Variants in HERC1 observed in about 807,000 individuals in gnomAD.
The protein encoded by HERC1 is HECT and RLD domain containing E3 ubiquitin protein ligase family member 1.
A neutral mutation model predicts 554.3 loss-of-function variants in HERC1; 160 were observed. The observed-to-expected ratio is 0.29, with a 90% CI of 0.25 to 0.33. The LOEUF (loss-of-function observed/expected upper bound fraction) is 0.33, where lower values mean the gene tolerates loss of function less well. Ranked by LOEUF, HERC1 falls within the 10% of genes least tolerant of loss-of-function variation. The pLI is 1.00. For missense variants in HERC1, 4,919 were observed against 5,918.5 expected (o/e 0.83, Z 5.54); for synonymous variants, 2,175 against 2,131.7 (o/e 1.02, Z -0.56).
intron 1 of HERC1, among the ~76,000 whole-genome samples, chr15:63,804,576 A>G (rs2077081423): frequency 1.3e-5 from 2 of 152,028 alleles, no homozygotes; most frequent in Admixed American, 6.6e-5. Context: ...ACAAGAGCAA[A>G]ACTGTCTCAA....
At position 63,806,394 on chromosome 15, in the gene HERC1, C is replaced by T. The variant is rs112544777; in HGVS notation, c.-27+27433G>A. Among the ~76,000 whole-genome samples the T allele has an allele frequency of 5.3e-3, 804 of 152,266 alleles. 10 individuals carry two copies. The highest frequency in any genetic ancestry group is 0.014 in the African/African-American group (599 of 41,532). On this transcript the variant is annotated intron_variant, in intron 1 of 77. Coordinates refer to ENST00000443617, the MANE Select transcript of HERC1 (RefSeq NM_003922.4). Reference sequence around the variant, plus strand: ...AGCTTTTCATGTTGTAATCACCCTACGCTCACCAACACAGATTTACTCACT... The same window carrying T: ...AGCTTTTCATGTTGTAATCACCCTATGCTCACCAACACAGATTTACTCACT...
At chr15:63,820,533 A>C (rs11635117) in intron 1 of HERC1, among the ~76,000 whole-genome samples, 74,048 of 152,038 alleles carry the variant, frequency 0.49, 18,969 homozygotes, top group Non-Finnish European at 0.56. Flanking sequence ...AATTATATCA[A>C]ATAAAAGTGG....
chr15:63,739,195 C>CAT (rs1555432385), intron 12 of HERC1, among the ~76,000 whole-genome samples: 2 of 102,276 alleles, frequency 2.0e-5, no homozygotes, highest in Non-Finnish European at 3.8e-5. Flanking sequence ...CACTAATATA[C>CAT]TTTTTTTTTT....
At chr15:63,649,318 A>T (rs1050400357) in intron 54 of HERC1, among the ~76,000 whole-genome samples, 1 of 152,132 alleles carries the variant, frequency 6.6e-6, no homozygotes, top group Non-Finnish European at 1.5e-5. Context: ...GCGCCACTGC[A>T]CTTCAGCCTG....
intron 1 of HERC1, among the ~76,000 whole-genome samples, chr15:63,807,130 A>G (rs1301405896): frequency 6.6e-6 from 1 of 152,090 alleles, no homozygotes; most frequent in Non-Finnish European, 1.5e-5. Context: ...CTACTTTATA[A>G]ATTTGCAATA....
chr15:63,719,513 T>G (rs949707925), intron 19 of HERC1, among the ~76,000 whole-genome samples: 2 of 152,226 alleles, frequency 1.3e-5, no homozygotes, highest in Non-Finnish European at 2.9e-5. Context: ...AGAAGCAGCA[T>G]TAGAAGGCTT....
chr15:63,746,567 C>G (rs1423904443), intron 12 of HERC1, among the ~76,000 whole-genome samples: 1 of 152,156 alleles, frequency 6.6e-6, no homozygotes, highest in Non-Finnish European at 1.5e-5. Flanking sequence ...TATTCAGTTA[C>G]TACTACTGAC....
At chr15:63,716,277 T>C in intron 22 of HERC1, 25 bp downstream of exon 22, 2 of 1,579,462 alleles carry the variant, frequency 1.3e-6, no homozygotes, top group African/African-American at 1.4e-5. Context: ...AGTTTGTATC[T>C]AGAAAGTAAG....
Position 63,608,885 on chromosome 15 carries a change from T to C in HERC1, c.*196A>G, listed in dbSNP as rs1288765615. 8.5e-6 allele frequency: 4 copies of C among 469,982 alleles called. No homozygotes were observed. 29.1% of individuals were successfully genotyped at this position (469,982 alleles called of 1,614,324 possible). A position where few individuals can be genotyped will look rare whatever the true frequency, so the allele number is the denominator to read the frequency against. On this transcript the variant is annotated 3_prime_UTR_variant, in exon 78 of 78. Transcript: ENST00000443617. Reference sequence around the variant, plus strand: ...CCTGACTGAGAGCACTTCGTTTTTGTTGTTTTTGTACAATCACAGAAAAAT... The same window carrying C: ...CCTGACTGAGAGCACTTCGTTTTTGCTGTTTTTGTACAATCACAGAAAAAT...
rs770615097 is a variant in HERC1, at chr15:63,630,570, G to C, written c.12862C>G (p.Leu4288Val). The change falls in exon 69 of 78, where the codon CTG becomes GTG. Residue 4288 changes from leucine (L) to valine (V), a missense_variant. Around this residue, in one of 11 missense-constraint regions of HERC1, gnomAD observed 410 missense variants for 467.0 expected, o/e 0.88. Coordinates refer to ENST00000443617, the MANE Select transcript of HERC1 (RefSeq NM_003922.4). ...NHNRPQQIPVLAGVIIEDVAV... is the reference protein window; with the variant it reads ...NHNRPQQIPVVAGVIIEDVAV... ...ACATCTTCTATGATTACTCCAGCCA[G>C]GACAGGGATTTGTTGCGGTCGATTG... The C allele has an allele frequency of 6.2e-7, 1 of 1,614,052 alleles. No homozygotes were observed. Among genetic ancestry groups the C allele is most frequent in the South Asian group, 1.1e-5 (1 of 91,086 alleles).
intron 70 of HERC1, among the ~76,000 whole-genome samples, chr15:63,627,709 A>AAGAAATGT (rs2152785627): frequency 6.6e-6 from 1 of 151,874 alleles, no homozygotes; most frequent in South Asian, 2.1e-4. Context: ...CCCAAATATG[A>AAGAAATGT]AGAAATGTGT....
intron 6 of HERC1, among the ~76,000 whole-genome samples, 177 bp from the exon 7 acceptor site, chr15:63,754,825 T>C (rs1337265460): frequency 6.6e-6 from 1 of 152,248 alleles, no homozygotes; most frequent in Non-Finnish European, 1.5e-5. Flanking sequence ...AAGGTGCTCC[T>C]AAACTGGGTC....
In HERC1 at chr15:63,608,839, C is replaced by T. The variant is rs2067474114; in HGVS notation, c.*242G>A. 5.5e-6 allele frequency: 2 copies of T among 360,500 alleles called. No homozygotes were observed. The highest frequency in any genetic ancestry group is 2.1e-5 in the African/African-American group (1 of 47,656). 22.3% of individuals were successfully genotyped at this position (360,500 alleles called of 1,614,324 possible). A position where few individuals can be genotyped will look rare whatever the true frequency, so the allele number is the denominator to read the frequency against. ...TTTCATGCAAACTTATCAAAAGTGA[C>T]CAAAAATATGGAGGGAAAAACCTGA... On this transcript the variant is annotated 3_prime_UTR_variant, in exon 78 of 78. Coordinates refer to ENST00000443617, the MANE Select transcript of HERC1 (RefSeq NM_003922.4).
intron 14 of HERC1, among the ~76,000 whole-genome samples, chr15:63,731,444 C>T (rs2074287596): frequency 6.6e-6 from 1 of 152,148 alleles, no homozygotes; most frequent in African/African-American, 2.4e-5. Context: ...TCTGCCTTAG[C>T]CCTAATATTC....
At chr15:63,616,392 G>GTT in intron 75 of HERC1, 38 bp downstream of exon 75, 1 of 1,593,944 alleles carries the variant, frequency 6.3e-7, no homozygotes, top group South Asian at 1.1e-5. Flanking sequence ...CATATAGGAC[G>GTT]TCAACACCAG....
intron 64 of HERC1, among the ~76,000 whole-genome samples, chr15:63,636,614 A>G (rs1399381052): frequency 6.6e-6 from 1 of 152,174 alleles, no homozygotes; most frequent in Non-Finnish European, 1.5e-5. Context: ...ATAACCTAGC[A>G]AAACTGCGAA....
rs756936203 is a variant in HERC1 at position 63,669,605 on chromosome 15, A to G, written c.8139T>C (p.Asp2713=). 1.9e-6 allele frequency: 3 copies of G among 1,613,402 alleles called. No homozygotes were observed. The change falls in exon 40 of 78, where the codon GAT becomes GAC. Residue 2713 remains aspartate (D), a synonymous_variant. Coordinates refer to ENST00000443617, the MANE Select transcript of HERC1 (RefSeq NM_003922.4). ...TTAAACTTTGCCTCCTTCCTACTTC[A>G]TCAGAAGGAGAGGTTGGTAACGAAG... ...PISSLPTSPS[D]EVGRRQSLTS...
intron 1 of HERC1, among the ~76,000 whole-genome samples, chr15:63,787,643 C>T (rs1190326102): frequency 1.3e-5 from 2 of 151,966 alleles, no homozygotes; most frequent in East Asian, 3.9e-4. Flanking sequence ...CACACATCTA[C>T]AGTCCTAGCT....
intron 24 of HERC1, among the ~76,000 whole-genome samples, chr15:63,710,783 T>C (rs74021324): frequency 0.012 from 1,874 of 152,252 alleles, 35 homozygotes; most frequent in African/African-American, 0.043. Flanking sequence ...ATGCAGGCAA[T>C]AGCATTCCAG....
Sources: gnomAD v4.1 joint callset for allele counts (sites outside exome capture counted in the v4.1 genomes callset) on GRCh38, gnomAD v4.1.1 for gene constraint, gnomAD v4.1.1 regional missense constraint, MANE v1.5 for transcripts, NCBI Gene and HGNC (gene_info 2026-07-23, HGNC 2026-07-21) for gene names.